ANO6: variants seen among roughly 807,000 people sequenced by gnomAD.
The protein encoded by ANO6 is anoctamin-6.
A neutral mutation model predicts 117.5 loss-of-function variants in ANO6; 106 were observed. The observed-to-expected ratio is 0.90, with a 90% CI of 0.77 to 1.06. The LOEUF (loss-of-function observed/expected upper bound fraction) is 1.06. Among genes scored for constraint, ANO6 ranks in the 50% least tolerant of loss-of-function variants. The probability of loss-of-function intolerance (pLI) is 0.00; values close to 1 mark genes in which losing one functional copy is unlikely to be tolerated. For synonymous variants in ANO6, 367 were observed against 385.1 expected, an observed-to-expected ratio of 0.95 and a Z score of 0.55; for missense variants, 955 against 1,121.1, an observed-to-expected ratio of 0.85 and a Z score of 2.12.
At chr12:45,343,264 G>A (rs184185095) in intron 3 of ANO6, among the ~76,000 whole-genome samples, 26 of 152,198 alleles carry the variant, frequency 1.7e-4, no homozygotes, top group Non-Finnish European at 2.5e-4. Flanking sequence ...CAAGCCACTG[G>A]AGAAGACCCT....
Position 45,375,436 on chromosome 12 carries a change from A to G in ANO6, c.1105-2617A>G, listed in dbSNP as rs1283337918. ...AAAAGAACAAAGCTGGAGGCATCAC[A>G]TTACCTGACTTCAAACTATACTACA... On this transcript the variant is annotated intron_variant, in intron 9 of 19. Transcript: ENST00000320560. Among the ~76,000 whole-genome samples the G allele has an allele frequency of 2.4e-3, 372 of 152,250 alleles. 2 individuals carry two copies. Among genetic ancestry groups the G allele is most frequent in the African/African-American group, 8.5e-3 (351 of 41,532 alleles).
intron 13 of ANO6, 58 bp from the exon 14 acceptor site, chr12:45,403,014 T>TA: frequency 6.7e-7 from 1 of 1,490,898 alleles, no homozygotes; most frequent in African/African-American, 1.4e-5. Flanking sequence ...TATTTTTTAT[T>TA]AGAGTCTCAA....
chr12:45,369,696 C>T (rs531843117), intron 9 of ANO6, among the ~76,000 whole-genome samples: 1 of 152,138 alleles, frequency 6.6e-6, no homozygotes, highest in South Asian at 2.1e-4. Context: ...TTCCTTCATA[C>T]ATTTATTTGT....
At chr12:45,311,316 T>C (rs1180423422) in intron 2 of ANO6, among the ~76,000 whole-genome samples, 1 of 152,072 alleles carries the variant, frequency 6.6e-6, no homozygotes, top group African/African-American at 2.4e-5. Context: ...ATGGATCACA[T>C]GAAATGGCTG....
intron 1 of ANO6, among the ~76,000 whole-genome samples, chr12:45,264,633 A>G (rs899502672): frequency 3.9e-5 from 6 of 152,214 alleles, no homozygotes; most frequent in Admixed American, 3.9e-4. Flanking sequence ...TAATTTTACC[A>G]ATGGTTAGTT....
At chr12:45,363,349 G>A (rs1310930503) in intron 8 of ANO6, among the ~76,000 whole-genome samples, 1 of 152,064 alleles carries the variant, frequency 6.6e-6, no homozygotes, top group Admixed American at 6.5e-5. Context: ...CAGATCACGA[G>A]GTCAGGAGTT....
intron 1 of ANO6, among the ~76,000 whole-genome samples, chr12:45,231,622 C>T (rs1947575534): frequency 6.6e-6 from 1 of 152,182 alleles, no homozygotes; most frequent in Non-Finnish European, 1.5e-5. Context: ...TTTAGAATTG[C>T]AGTTCTCGTT....
chr12:45,376,517 C>A, intron 9 of ANO6, among the ~76,000 whole-genome samples: 14 of 130,960 alleles, frequency 1.1e-4, no homozygotes, highest in African/African-American at 1.5e-4. Context: ...GAATACTATG[C>A]AGCCATAAAA....
chr12:45,332,129 A>G (rs1331332251), intron 3 of ANO6, among the ~76,000 whole-genome samples: 1 of 152,048 alleles, frequency 6.6e-6, no homozygotes, highest in African/African-American at 2.4e-5. Context: ...CAGGTTTATA[A>G]ACAACTCCCT....
chr12:45,421,176 T>C lies in ANO6; in HGVS notation c.2323T>C (p.Tyr775His). The C allele has an allele frequency of 1.2e-6, 2 of 1,614,110 alleles. No homozygotes were observed. The highest frequency in any genetic ancestry group is 1.7e-6 in the Non-Finnish European group (2 of 1,180,002). The change falls in exon 18 of 20, where the codon TAC (tyrosine) becomes CAC (histidine). Residue 775 changes from tyrosine to histidine, a missense_variant. Tyr to His is a moderately conservative substitution (Grantham distance 83). Coordinates refer to ENST00000320560, the MANE Select transcript of ANO6 (RefSeq NM_001025356.3). Reference protein sequence around the residue: ...GDHTSYTMEGYINNTLSIFKV... With the variant: ...GDHTSYTMEGHINNTLSIFKV... The stretch of plus-strand genomic sequence containing the variant: ...CCACACTTCCTACACCATGGAAGGG[T>C]ACATCAACAACACTCTCTCCATCTT...
At chr12:45,248,258 C>A (rs986974185) in intron 1 of ANO6, among the ~76,000 whole-genome samples, 7 of 152,066 alleles carry the variant, frequency 4.6e-5, no homozygotes, top group Non-Finnish European at 1.0e-4. Flanking sequence ...TCATATAAAA[C>A]CACCCATTTT....
chr12:45,415,000 C>T (rs1273443295), intron 16 of ANO6, among the ~76,000 whole-genome samples: 1 of 152,140 alleles, frequency 6.6e-6, no homozygotes, highest in Non-Finnish European at 1.5e-5. Flanking sequence ...TCAAATAATC[C>T]TCCCGCCTCA....
chr12:45,436,724 T>A (rs1943710940), downstream of ANO6, among the ~76,000 whole-genome samples: 1 of 152,180 alleles, frequency 6.6e-6, no homozygotes. Flanking sequence ...TCCCAGCACT[T>A]TGGGAGGCCG....
intron 2 of ANO6, among the ~76,000 whole-genome samples, chr12:45,313,932 T>TAG (rs1166747241): frequency 6.6e-6 from 1 of 152,092 alleles, no homozygotes; most frequent in African/African-American, 2.4e-5. Flanking sequence ...TCAGTATGCT[T>TAG]AGAGAAATAC....
At chr12:45,390,845 G>A (rs1270427803) in intron 12 of ANO6, among the ~76,000 whole-genome samples, 1 of 152,192 alleles carries the variant, frequency 6.6e-6, no homozygotes, top group Non-Finnish European at 1.5e-5. Context: ...ATGTTGGCCA[G>A]GGGCGGTGGC....
At chr12:45,335,406 T>G (rs1940795896) in intron 3 of ANO6, 1 of 151,988 alleles carries the variant, frequency 6.6e-6, no homozygotes, top group Non-Finnish European at 1.5e-5. Flanking sequence ...TGAGATCTCT[T>G]GGGAAATGTT....
At chr12:45,235,602 G>A (rs1264987253) in intron 1 of ANO6, among the ~76,000 whole-genome samples, 1 of 152,162 alleles carries the variant, frequency 6.6e-6, no homozygotes, top group East Asian at 1.9e-4. Context: ...AGGCTTGGTG[G>A]TATGCCGCCT....
At chr12:45,328,244 T>C (rs1299042039) in intron 2 of ANO6, among the ~76,000 whole-genome samples, 1 of 152,134 alleles carries the variant, frequency 6.6e-6, no homozygotes, top group Non-Finnish European at 1.5e-5. Flanking sequence ...GCTGACTTCC[T>C]GTGTGGCTCC....
intron 9 of ANO6, among the ~76,000 whole-genome samples, chr12:45,375,921 C>A (rs890481272): frequency 2.0e-5 from 3 of 148,328 alleles, no homozygotes; most frequent in South Asian, 2.2e-4. Context: ...AACAGGCAAC[C>A]TACAGAATGG....
Sources: allele counts gnomAD v4.1 joint callset (sites outside exome capture counted in the v4.1 genomes callset), GRCh38; gene constraint gnomAD v4.1.1; transcripts MANE v1.5; gene names NCBI Gene and HGNC (gene_info 2026-07-23, HGNC 2026-07-21).